ABCC1: variants seen among roughly 807,000 people sequenced by gnomAD.
ABCC1 encodes the protein multidrug resistance-associated protein 1.
ABCC1 carries 83 observed loss-of-function variants against 172.9 expected under a neutral mutation model. That is an observed-to-expected ratio of 0.48 (90% CI 0.40 to 0.58). The LOEUF (loss-of-function observed/expected upper bound fraction) is 0.58. Ranked by LOEUF, ABCC1 falls within the 20% of genes least tolerant of loss-of-function variation. The pLI is 0.00. For missense variants in ABCC1, 1,817 were observed against 2,002.7 expected (o/e 0.91, Z 1.77); for synonymous variants, 937 against 825.2 (o/e 1.14, Z -2.32).
chr16:15,977,539 AC>A (rs1219821599), intron 1 of ABCC1, among the ~76,000 whole-genome samples: 1 of 151,350 alleles, frequency 6.6e-6, no homozygotes, highest in African/African-American at 2.4e-5. Flanking sequence ...GCCAGCTTAT[AC>A]CCCCTAAGCT....
chr16:15,996,117 T>A (rs538805172), intron 1 of ABCC1, among the ~76,000 whole-genome samples: 3 of 151,558 alleles, frequency 2.0e-5, no homozygotes, highest in African/African-American at 7.3e-5. Flanking sequence ...CCTGAGTAGC[T>A]GGGACTACAG....
At chr16:16,074,469 G>A (rs533987712) in intron 14 of ABCC1, among the ~76,000 whole-genome samples, 1 of 152,178 alleles carries the variant, frequency 6.6e-6, no homozygotes, top group Non-Finnish European at 1.5e-5. Context: ...CGGTGGGTGG[G>A]GGGTGGTTTC....
chr16:16,096,379 TAG>T (rs927141048), intron 19 of ABCC1, among the ~76,000 whole-genome samples: 23 of 152,298 alleles, frequency 1.5e-4, no homozygotes, highest in African/African-American at 5.3e-4. Context: ...GAGTATATCT[TAG>T]AGTTTTCTCA....
intron 30 of ABCC1, among the ~76,000 whole-genome samples, chr16:16,139,850 G>C (rs927525806): frequency 6.6e-6 from 1 of 152,092 alleles, no homozygotes; most frequent in Non-Finnish European, 1.5e-5. Context: ...CAATGAAAAG[G>C]AGTCAGCCTT....
chr16:16,043,367 C>G (rs1227836185), intron 7 of ABCC1, among the ~76,000 whole-genome samples: 5 of 151,434 alleles, frequency 3.3e-5, no homozygotes, highest in African/African-American at 9.7e-5. Flanking sequence ...GGTGTGGTCT[C>G]AGCTCACCAC....
intron 4 of ABCC1, among the ~76,000 whole-genome samples, chr16:16,015,130 A>AC (rs1364795665): frequency 6.7e-5 from 6 of 88,990 alleles, no homozygotes; most frequent in Non-Finnish European, 1.4e-4. Context: ...AGGAGTGTGC[A>AC]CTTTTTTTTT....
At chr16:16,020,303 C>T (rs574797986) in intron 5 of ABCC1, among the ~76,000 whole-genome samples, 1 of 152,252 alleles carries the variant, frequency 6.6e-6, no homozygotes, top group East Asian at 1.9e-4. Flanking sequence ...CATTTGTGCA[C>T]CTGTCCAGGA....
chr16:15,985,451 T>G (rs2046721404), intron 1 of ABCC1, among the ~76,000 whole-genome samples: 1 of 152,168 alleles, frequency 6.6e-6, no homozygotes, highest in Non-Finnish European at 1.5e-5. Context: ...TTTTTCTTTT[T>G]TTTTTCTTTT....
At chr16:15,995,696 C>T (rs1448014942) in intron 1 of ABCC1, among the ~76,000 whole-genome samples, 1 of 152,148 alleles carries the variant, frequency 6.6e-6, no homozygotes, top group Non-Finnish European at 1.5e-5. Context: ...GAGACAGGGT[C>T]TCAGTCTTTC....
chr16:15,987,797 G>C (rs902933667), intron 1 of ABCC1, among the ~76,000 whole-genome samples: 1 of 152,208 alleles, frequency 6.6e-6, no homozygotes, highest in Non-Finnish European at 1.5e-5. Context: ...TGTCTTCACT[G>C]CTTGTTATTC....
chr16:16,000,830 T>C lies in ABCC1; in HGVS notation c.49-6986T>C, dbSNP rs551130995. ...ACAAGTAAGAAGATCATTGCAAAGGTTGGGGGCAGGTTGTTTGGGGAGTGT... is the reference window on the plus strand; with the variant it reads ...ACAAGTAAGAAGATCATTGCAAAGGCTGGGGGCAGGTTGTTTGGGGAGTGT... On this transcript the variant is annotated intron_variant, in intron 1 of 30. Coordinates refer to ENST00000399410, the MANE Select transcript of ABCC1 (RefSeq NM_004996.4). Among the ~76,000 whole-genome samples, 11 of 152,060 alleles carry C rather than the reference T, an allele frequency of 7.2e-5. 1 individual carries two copies. The South Asian group carries it at 2.3e-3, about 32-fold the overall frequency.
intron 10 of ABCC1, among the ~76,000 whole-genome samples, chr16:16,049,569 T>C (rs991516461): frequency 1.3e-5 from 2 of 152,224 alleles, no homozygotes; most frequent in African/African-American, 4.8e-5. Context: ...TAACAAACAC[T>C]ACTTCCATTG....
Position 16,091,168 on chromosome 16 carries a change from C to T in ABCC1, c.2644+580C>T, listed in dbSNP as rs45450196. ...GGGCCAGACGTGGTGGTTCCCAGCA[C>T]TTGTAATCCCAACACATAGAGAGGC... is the stretch of plus-strand genomic sequence containing the variant. On this transcript the variant is annotated intron_variant, in intron 19 of 30. Coordinates refer to ENST00000399410, the MANE Select transcript of ABCC1 (RefSeq NM_004996.4). 5.4e-3 allele frequency among the ~76,000 whole-genome samples: 820 copies of T among 152,110 alleles called. 13 individuals carry two copies. Among genetic ancestry groups the T allele is most frequent in the African/African-American group, 0.019 (783 of 41,494 alleles).
rs45482896 is a variant in ABCC1 at position 16,064,847 on chromosome 16, C to T, written c.1678-3309C>T. On this transcript the variant is annotated intron_variant, in intron 12 of 30. Transcript: ENST00000399410. ...CCAGTCATGGAACATTCATTTTTCA[C>T]GGAGAGAAACAGACAAGGAAAAATA... 3.3e-4 allele frequency among the ~76,000 whole-genome samples: 50 copies of T among 152,278 alleles called. No individual in the cohort carries two copies. The South Asian group carries it at 4.8e-3, about 15-fold the overall frequency.
At chr16:15,964,776 C>T (rs2046208888) in intron 1 of ABCC1, among the ~76,000 whole-genome samples, 1 of 151,786 alleles carries the variant, frequency 6.6e-6, no homozygotes, top group African/African-American at 2.4e-5. Context: ...CTTTGGCCTC[C>T]CAAAGTGCTG....
intron 7 of ABCC1, among the ~76,000 whole-genome samples, chr16:16,037,904 G>A (rs576085983): frequency 6.6e-6 from 1 of 152,316 alleles, no homozygotes; most frequent in African/African-American, 2.4e-5. Flanking sequence ...AAATTGTCTC[G>A]TGGGAGGCAG....
rs556651702 is a variant in ABCC1, at chr16:16,102,676, T to C, written c.2694T>C (p.Asn898=). ...GGAAGGAAGCAAAGCAAATGGAGAA[T>C]GGCATGCTGGTGACGGACAGTGCAG... ...GPGKEAKQME[N]GMLVTDSAGK... is the part of the protein sequence containing the mutation. Residue 898 remains asparagine, a synonymous_variant, in exon 20 of 31, where the codon AAT becomes AAC. Transcript: ENST00000399410. 8.8e-5 allele frequency: 140 copies of C among 1,591,702 alleles called. No homozygotes were observed. In the East Asian group the frequency reaches 2.2e-3, roughly 25 times the overall value.
intron 1 of ABCC1, among the ~76,000 whole-genome samples, chr16:15,980,105 A>C (rs183664894): frequency 1.3e-5 from 2 of 152,136 alleles, no homozygotes; most frequent in Non-Finnish European, 2.9e-5. Context: ...ACCTTCAACA[A>C]TGTTTGACTT....
intron 10 of ABCC1, among the ~76,000 whole-genome samples, chr16:16,049,607 ACTT>A (rs1393533430): frequency 4.6e-5 from 7 of 152,124 alleles, no homozygotes; most frequent in East Asian, 1.9e-4. Context: ...AATTAGATGG[ACTT>A]CTTCTTTTGA....
Sources: allele counts gnomAD v4.1 joint callset (sites outside exome capture counted in the v4.1 genomes callset), GRCh38; gene constraint gnomAD v4.1.1; transcripts MANE v1.5; gene names NCBI Gene and HGNC (gene_info 2026-07-23, HGNC 2026-07-21).